The following PKD1L3 variants were observed in gnomAD, a reference collection of about 807,000 sequenced individuals.
PKD1L3 encodes polycystin-1-like protein 3.
Under a neutral mutation model 184.1 loss-of-function variants are expected in PKD1L3, and 239 were observed. The ratio of observed to expected loss-of-function variants is 1.30; its 90% CI spans 1.17 to 1.45. The LOEUF is 1.45. PKD1L3 is among the 40% of genes most tolerant of loss of function. The pLI, the probability that PKD1L3 is intolerant of heterozygous loss-of-function variation, is 0.00. For missense variants in PKD1L3, 2,660 were observed against 2,067.2 expected (o/e 1.29, Z -5.56); for synonymous variants, 996 against 778.8 (o/e 1.28, Z -4.64).
intron 12 of PKD1L3, among the ~76,000 whole-genome samples, chr16:71,972,509 C>A (rs180782374): frequency 1.3e-5 from 2 of 152,186 alleles, no homozygotes; most frequent in Admixed American, 1.3e-4. Context: ...CATGGCGAGA[C>A]CCTGTCTGTT....
intron 19 of PKD1L3, among the ~76,000 whole-genome samples, chr16:71,950,963 G>T (rs1046193193): frequency 6.7e-6 from 1 of 149,128 alleles, no homozygotes; most frequent in Admixed American, 6.7e-5. Context: ...GGCTGGTTTT[G>T]AACTTCTGAC....
intron 24 of PKD1L3, among the ~76,000 whole-genome samples, chr16:71,937,890 A>T (rs1184580344): frequency 6.6e-6 from 1 of 152,238 alleles, no homozygotes; most frequent in African/African-American, 2.4e-5. Flanking sequence ...TGTGAATACA[A>T]ACCTTTCACA....
chr16:71,948,183 G>A (rs190883890), intron 21 of PKD1L3, among the ~76,000 whole-genome samples: 21 of 152,148 alleles, frequency 1.4e-4, no homozygotes, highest in Non-Finnish European at 2.9e-4. Flanking sequence ...CCGGGTTCAA[G>A]TGATTCTCCC....
chr16:71,953,580 CA>C (rs1226509643), intron 17 of PKD1L3, among the ~76,000 whole-genome samples: 1 of 152,320 alleles, frequency 6.6e-6, no homozygotes, highest in East Asian at 1.9e-4. Context: ...AGAAGAGTGA[CA>C]GGGGAACTGC....
At position 71,963,248 on chromosome 16, in the gene PKD1L3, G is replaced by C; in HGVS notation, c.2569C>G (p.Arg857Gly). 1.9e-6 allele frequency: 3 copies of C among 1,550,904 alleles called. No individual in the cohort carries two copies. Among genetic ancestry groups the C allele is most frequent in the Non-Finnish European group, 2.6e-6 (3 of 1,146,614 alleles). The change falls in exon 16 of 30, where the codon CGG (arginine) becomes GGG (glycine). Residue 857 changes from arginine (R) to glycine (G), a missense_variant. Arg to Gly is a moderately radical substitution (Grantham distance 125, BLOSUM62 -2). Transcript: ENST00000620267. Reference protein sequence around the residue: ...AVDLGDCELDRVFIPVSKREL... With the variant: ...AVDLGDCELDGVFIPVSKREL... ...CTCTTTGAAACTGGGATGAAGACCC[G>C]GTCAAGCTCACAGTCTCCGAGGTCC...
chr16:71,941,944 G>A (rs1475942649), intron 24 of PKD1L3, among the ~76,000 whole-genome samples: 1 of 151,862 alleles, frequency 6.6e-6, no homozygotes, highest in African/African-American at 2.4e-5. Flanking sequence ...TTTTGGGGTT[G>A]GGGACTGGGA....
chr16:71,968,345 A>G (rs986075102), intron 13 of PKD1L3, among the ~76,000 whole-genome samples: 8 of 152,214 alleles, frequency 5.3e-5, no homozygotes, highest in Admixed American at 2.6e-4. Flanking sequence ...CAGATAAACT[A>G]TGAATAATTT....
chr16:71,985,820 G>A (rs924862779), intron 5 of PKD1L3, among the ~76,000 whole-genome samples: 2 of 152,128 alleles, frequency 1.3e-5, no homozygotes, highest in South Asian at 2.1e-4. Context: ...TCTCACCTTG[G>A]CCTCCCAAAT....
intron 22 of PKD1L3, among the ~76,000 whole-genome samples, 193 bp from the exon 23 acceptor site, chr16:71,944,363 A>T (rs1330453761): frequency 6.6e-6 from 1 of 152,182 alleles, no homozygotes; most frequent in Non-Finnish European, 1.5e-5. Flanking sequence ...TTGGGGACTG[A>T]TACTTTTGTA....
intron 2 of PKD1L3, among the ~76,000 whole-genome samples, chr16:71,995,170 C>A (rs12920245): frequency 0.072 from 10,880 of 152,162 alleles, 506 homozygotes; most frequent in Middle Eastern, 0.12. Flanking sequence ...AGGCTGCAAC[C>A]TCGTAAGGTG....
At chr16:71,943,889 C>A in intron 23 of PKD1L3, 141 bp downstream of exon 23, 1 of 1,051,506 alleles carries the variant, frequency 9.5e-7, no homozygotes, top group Non-Finnish European at 1.4e-6. Context: ...ACCTGCTTTA[C>A]TGGAATCCCA....
At chr16:71,965,257 T>C (rs1276157358) in intron 15 of PKD1L3, among the ~76,000 whole-genome samples, 1 of 152,254 alleles carries the variant, frequency 6.6e-6, no homozygotes, top group Non-Finnish European at 1.5e-5. Flanking sequence ...TTACATTGAA[T>C]CAATACACTA....
rs1597358545 is a variant in PKD1L3, at chr16:71,980,107, C to T, written c.1171G>A (p.Val391Met). 3.9e-6 allele frequency: 6 copies of T among 1,551,526 alleles called. No individual in the cohort carries two copies. Among genetic ancestry groups the T allele is most frequent in the Admixed American group, 3.9e-5 (2 of 50,980 alleles). ...GCTTCCCCGATATTCCCAAACTCCA[C>T]CAAGGACATTTCCAGGATGTCTTCT... ...PVEDILEMSL[V>M]EFGNIGEAFL... is the part of the protein sequence containing the mutation. Residue 391 changes from valine (V) to methionine (M), a missense_variant, in exon 8 of 30, where the codon GTG (valine) becomes ATG (methionine). Physicochemically the swap from Val to Met is conservative, Grantham distance 21. Transcript: ENST00000620267.
Position 71,937,407 on chromosome 16 carries a change from G to A in PKD1L3, c.4337C>T (p.Thr1446Ile). Residue 1446 changes from threonine to isoleucine, a missense_variant, in exon 25 of 30, where the codon ACC becomes ATC. Physicochemically the swap from Thr to Ile is moderately conservative, Grantham distance 89 (BLOSUM62 -1). Transcript: ENST00000620267. ...FSYIMRGAFF[T>I]SLRLESFTSL... ...AGTGAAGCTTTCCAGTCTCAAAGAG[G>A]TGAAGAAAGCACCTGAGAATAACAA... The A allele has an allele frequency of 6.4e-7, 1 of 1,551,558 alleles. No individual in the cohort carries two copies. Among genetic ancestry groups the A allele is most frequent in the Non-Finnish European group, 8.7e-7 (1 of 1,146,970 alleles).
At chr16:71,983,344 A>T (rs1226486059) in intron 6 of PKD1L3, among the ~76,000 whole-genome samples, 1 of 151,996 alleles carries the variant, frequency 6.6e-6, no homozygotes, top group Non-Finnish European at 1.5e-5. Flanking sequence ...ACAGGGTTTC[A>T]CCATGTTGCC....
At chr16:71,972,195 G>C (rs570210723) in intron 12 of PKD1L3, among the ~76,000 whole-genome samples, 1 of 151,474 alleles carries the variant, frequency 6.6e-6, no homozygotes, top group Admixed American at 6.6e-5. Context: ...CAGCCTGGCC[G>C]ATAGAGCAAG....
chr16:71,945,392 A>ATTTATT (rs1567498766), intron 22 of PKD1L3, among the ~76,000 whole-genome samples: 66 of 59,160 alleles, frequency 1.1e-3, no homozygotes, highest in African/African-American at 2.7e-3. Context: ...ACATATATAT[A>ATTTATT]TATATATTTA....
intron 2 of PKD1L3, among the ~76,000 whole-genome samples, chr16:71,994,758 G>A (rs1293208811): frequency 2.0e-5 from 3 of 152,208 alleles, no homozygotes; most frequent in Non-Finnish European, 2.9e-5. Flanking sequence ...CCGCACTTAG[G>A]GAGGCCGAGG....
chr16:71,993,595 G>A (rs2040675122), intron 2 of PKD1L3, among the ~76,000 whole-genome samples: 1 of 152,006 alleles, frequency 6.6e-6, no homozygotes, highest in Admixed American at 6.6e-5. Flanking sequence ...TTCCATTATT[G>A]GAACACTAGG....
Sources: allele counts gnomAD v4.1 joint callset (sites outside exome capture counted in the v4.1 genomes callset), GRCh38; gene constraint gnomAD v4.1.1; transcripts MANE v1.5; gene names NCBI Gene and HGNC (gene_info 2026-07-23, HGNC 2026-07-21).